Variants in CD207 observed in about 807,000 individuals in gnomAD.
The protein encoded by CD207 is CD207 molecule, also known as C-type lectin domain family 4 member K.
Under a neutral mutation model 31.6 loss-of-function variants are expected in CD207, and 28 were observed. That is an observed-to-expected ratio of 0.89 (90% CI 0.66 to 1.21). CD207 has a LOEUF of 1.21. Among genes scored for constraint, CD207 ranks in the 50% most tolerant of loss-of-function variants. The pLI, the probability that CD207 is intolerant of heterozygous loss-of-function variation, is 0.00. For synonymous variants in CD207, 168 were observed against 153.9 expected (o/e 1.09, Z -0.68); for missense variants, 388 against 397.8 (o/e 0.98, Z 0.21).
Position 70,832,925 on chromosome 2 carries a change from G to A in CD207, c.692C>T (p.Thr231Ile), listed in dbSNP as rs782247148. The A allele has an allele frequency of 1.9e-6, 3 of 1,613,928 alleles. No homozygotes were observed. Among genetic ancestry groups the A allele is most frequent in the Non-Finnish European group, 1.7e-6 (2 of 1,179,818 alleles). ...QFCVSRNSHL[T>I]SVTSESEQEF... ...CTGCTCACTCTCTGAGGTCACCGAG[G>A]TCAGGTGTGAATTCCTGGACACACA... The change falls in exon 4 of 6, where the codon ACC (threonine) becomes ATC (isoleucine). Residue 231 changes from threonine to isoleucine, a missense_variant. Transcript: ENST00000410009.
At chr2:70,835,228 T>C (rs981885120) in intron 2 of CD207, among the ~76,000 whole-genome samples, 1 of 152,206 alleles carries the variant, frequency 6.6e-6, no homozygotes, top group African/African-American at 2.4e-5. Flanking sequence ...CAATGTTTCC[T>C]GAGGACAAAA....
At chr2:70,833,147 C>T in intron 3 of CD207, 96 bp from the exon 4 acceptor site, 2 of 1,178,878 alleles carry the variant, frequency 1.7e-6, no homozygotes, top group Non-Finnish European at 1.3e-6. Flanking sequence ...GAGACAGCAG[C>T]AAATGGAGCT....
intron 4 of CD207, 27 bp from the exon 5 acceptor site, chr2:70,831,846 G>C: frequency 7.1e-7 from 1 of 1,414,538 alleles, no homozygotes. Context: ...ATAAGCAGAG[G>C]TGCGGCCACA....
Position 70,831,663 on chromosome 2 carries a change from G to A in CD207, c.836+38C>T, listed in dbSNP as rs377314494. ...CCCTTCATGCCCTGGCCATGGCCGG[G>A]GAAAGTCAGGCTGGCACGGAGGGCT... On this transcript the variant is annotated intron_variant, in intron 5 of 5. Transcript: ENST00000410009. 5.3e-5 allele frequency: 68 copies of A among 1,287,246 alleles called. No individual in the cohort carries two copies. The African/African-American group carries it at 8.8e-4, about 17-fold the overall frequency. 79.7% of individuals were successfully genotyped at this position (1,287,246 alleles called of 1,614,324 possible).
chr2:70,833,957 A>T lies in CD207; in HGVS notation c.254T>A (p.Val85Glu). 6.5e-7 allele frequency: 1 copy of T among 1,549,768 alleles called. No individual in the cohort carries two copies. The highest frequency in any genetic ancestry group is 8.7e-7 in the Non-Finnish European group (1 of 1,148,990). Residue 85 changes from valine to glutamate, a missense_variant, in exon 3 of 6, where the codon GTG becomes GAG. Physicochemically the swap from Val to Glu is moderately radical, Grantham distance 121. Transcript: ENST00000410009. ...KTNVQLLKGR[V>E]DNISTLDSEI... Reference sequence around the variant, plus strand: ...AGAATCCAGGGTGCTGATGTTGTCCACACGACCTTTCAGCAACTGGACATT... The same window carrying T: ...AGAATCCAGGGTGCTGATGTTGTCCTCACGACCTTTCAGCAACTGGACATT...
the CD207 span, among the ~76,000 whole-genome samples, chr2:70,825,136 T>C: frequency 6.6e-6 from 1 of 152,298 alleles, no homozygotes; most frequent in East Asian, 1.9e-4. Context: ...TGAAACTCAG[T>C]ACCCCAATGT....
intron 2 of CD207, 127 bp downstream of exon 2, chr2:70,835,363 AG>A: frequency 1.4e-6 from 1 of 705,946 alleles, no homozygotes. Context: ...TGGAAAGAGG[AG>A]GAAGGAGACA....
chr2:70,824,835 G>T, the CD207 span, among the ~76,000 whole-genome samples: 16 of 152,128 alleles, frequency 1.1e-4, no homozygotes, highest in Non-Finnish European at 7.4e-5. Flanking sequence ...TAAACAAATA[G>T]ATAAGTCTCT....
chr2:70,832,801 A>G (rs1677506971), intron 4 of CD207, 99 bp downstream of exon 4: 8 of 1,184,390 alleles, frequency 6.8e-6, no homozygotes, highest in South Asian at 3.4e-5. Flanking sequence ...TAGGTCATCA[A>G]TATTTGGGGA....
chr2:70,835,627 A>T lies in CD207; in HGVS notation c.74-20T>A. On this transcript the variant is annotated intron_variant, in intron 1 of 5. Transcript: ENST00000410009. ...GAGGCTCTGTTGGAAGAAGAAGAAA[A>T]TGTGTGTTGAAGGAGCAGCAAAGGG... 1 of 1,612,078 alleles carries T rather than the reference A, an allele frequency of 6.2e-7. No homozygotes were observed. The highest frequency in any genetic ancestry group is 1.3e-5 in the African/African-American group (1 of 74,998).
chr2:70,828,605 G>A (rs1000644102), downstream of CD207, among the ~76,000 whole-genome samples: 4 of 152,156 alleles, frequency 2.6e-5, no homozygotes, highest in Non-Finnish European at 4.4e-5. Context: ...GCTGCCCTCC[G>A]GGACCTCCAT....
chr2:70,824,260 A>T, the CD207 span, among the ~76,000 whole-genome samples: 91,280 of 151,290 alleles, frequency 0.6, 28,004 homozygotes, highest in Middle Eastern at 0.7. Context: ...CAACAATTCA[A>T]CACATTTACA....
downstream of CD207, among the ~76,000 whole-genome samples, chr2:70,830,001 C>T (rs2104697495): frequency 6.6e-6 from 1 of 152,316 alleles, no homozygotes; most frequent in Middle Eastern, 3.4e-3. Context: ...AAGATCGTGA[C>T]ATTGGAGACC....
At position 70,833,022 on chromosome 2, in the gene CD207, A is replaced by T; in HGVS notation, c.595T>A (p.Trp199Arg). The change falls in exon 4 of 6, where the codon TGG (tryptophan) becomes AGG (arginine). Residue 199 changes from tryptophan (W) to arginine (R), a missense_variant. Coordinates refer to ENST00000410009, the MANE Select transcript of CD207 (RefSeq NM_015717.5). Reference sequence around the variant, plus strand: ...TAGAAGTTCCCCTTGAAGTACTTCCAGCCTTGAGAAACCACCTGTAGAATA... The same window carrying T: ...TAGAAGTTCCCCTTGAAGTACTTCCTGCCTTGAGAAACCACCTGTAGAATA... ...NDILQVVSQG[W>R]KYFKGNFYYF... 2 of 1,614,014 alleles carry T rather than the reference A, an allele frequency of 1.2e-6. No homozygotes were observed. Among genetic ancestry groups the T allele is most frequent in the Non-Finnish European group, 1.7e-6 (2 of 1,179,868 alleles).
downstream of CD207, among the ~76,000 whole-genome samples, chr2:70,828,582 C>T (rs1007590944): frequency 7.9e-5 from 12 of 152,222 alleles, no homozygotes; most frequent in African/African-American, 2.9e-4. Flanking sequence ...CGGGAGCAGC[C>T]GGAGCCCTTC....
rs781919980 is a variant in CD207, at chr2:70,832,992, A to C, written c.625T>G (p.Phe209Val). 7 of 1,613,956 alleles carry C rather than the reference A, an allele frequency of 4.3e-6. No individual in the cohort carries two copies. In the East Asian group the frequency reaches 1.6e-4, roughly 36 times the overall value. ...TACCAGGTCTTTGGAATGAGAGAAAAGTAATAGAAGTTCCCCTTGAAGTAC... is the reference window on the plus strand; with the variant it reads ...TACCAGGTCTTTGGAATGAGAGAAACGTAATAGAAGTTCCCCTTGAAGTAC... ...WKYFKGNFYY[F>V]SLIPKTWYSA... The change falls in exon 4 of 6, where the codon TTT becomes GTT. Residue 209 changes from phenylalanine to valine, a missense_variant. By Grantham distance (50) the Phe-to-Val change is conservative (BLOSUM62 -1). Coordinates refer to ENST00000410009, the MANE Select transcript of CD207 (RefSeq NM_015717.5).
intron 2 of CD207, among the ~76,000 whole-genome samples, chr2:70,834,368 C>A (rs1023215418): frequency 5.9e-5 from 9 of 152,040 alleles, no homozygotes; most frequent in Admixed American, 2.6e-4. Context: ...CCTCCATGAG[C>A]CCCACCACTG....
At chr2:70,834,605 C>T (rs1024623187) in intron 2 of CD207, among the ~76,000 whole-genome samples, 4 of 152,174 alleles carry the variant, frequency 2.6e-5, no homozygotes, top group African/African-American at 7.2e-5. Context: ...GCCCCACCCA[C>T]TTTCACATTC....
chr2:70,825,590 G>C (rs1400383456), downstream of CD207, among the ~76,000 whole-genome samples: 4 of 152,268 alleles, frequency 2.6e-5, no homozygotes, highest in African/African-American at 9.6e-5. Flanking sequence ...CCAGGCTGGA[G>C]TACAGTGGCG....
Sources: gnomAD v4.1 joint callset for allele counts (sites outside exome capture counted in the v4.1 genomes callset) on GRCh38, gnomAD v4.1.1 for gene constraint, MANE v1.5 for transcripts, NCBI Gene and HGNC (gene_info 2026-07-23, HGNC 2026-07-21) for gene names.